Variants in PTPRT observed in about 807,000 individuals in gnomAD.
PTPRT encodes receptor-type tyrosine-protein phosphatase T.
PTPRT carries 56 observed loss-of-function variants against 176.8 expected under a neutral mutation model. The ratio of observed to expected loss-of-function variants is 0.32; its 90% CI spans 0.26 to 0.40. The LOEUF (loss-of-function observed/expected upper bound fraction) is 0.40, where lower values mean the gene tolerates loss of function less well. Among genes scored for constraint, PTPRT ranks in the 10% least tolerant of loss-of-function variants. The probability of loss-of-function intolerance (pLI) is 1.00; values close to 1 mark genes in which losing one functional copy is unlikely to be tolerated. For synonymous variants in PTPRT, 783 were observed against 739.0 expected (o/e 1.06, Z -0.96); for missense variants, 1,540 against 1,908.2 (o/e 0.81, Z 3.60).
At chr20:43,021,331 CT>C (rs1253433234) in intron 1 of PTPRT, among the ~76,000 whole-genome samples, 17 of 152,136 alleles carry the variant, frequency 1.1e-4, no homozygotes, top group African/African-American at 3.9e-4. Context: ...GGAACTGCAA[CT>C]GTAATAGCTG....
chr20:42,824,999 A>T (rs912817456), intron 2 of PTPRT, among the ~76,000 whole-genome samples: 2 of 152,084 alleles, frequency 1.3e-5, no homozygotes, highest in Non-Finnish European at 2.9e-5. Flanking sequence ...ATAAGGAAAA[A>T]CCAGGTCAAT....
chr20:42,225,716 G>T (rs566281507), intron 15 of PTPRT, among the ~76,000 whole-genome samples: 1 of 152,292 alleles, frequency 6.6e-6, no homozygotes, highest in South Asian at 2.1e-4. Flanking sequence ...GCAGCTGCAC[G>T]ATCTTGGCTC....
intron 2 of PTPRT, among the ~76,000 whole-genome samples, chr20:42,879,752 TGTGTGC>T (rs1473009338): frequency 6.9e-5 from 10 of 145,598 alleles, no homozygotes; most frequent in African/African-American, 2.4e-4. Flanking sequence ...TGTGTGTGTG[TGTGTGC>T]GCGTGTGTGT....
chr20:42,692,646 G>C (rs2425531), intron 6 of PTPRT, among the ~76,000 whole-genome samples: 21,895 of 152,066 alleles, frequency 0.14, 2,237 homozygotes, highest in African/African-American at 0.28. Context: ...GGTAGTTTTA[G>C]CCAATGCAAT....
At chr20:42,464,845 C>T (rs1173731325) in intron 8 of PTPRT, among the ~76,000 whole-genome samples, 1 of 152,138 alleles carries the variant, frequency 6.6e-6, no homozygotes, top group Non-Finnish European at 1.5e-5. Context: ...TGTACTCATC[C>T]TTAGCAACAT....
chr20:42,034,871 T>C, the PTPRT span, among the ~76,000 whole-genome samples: 1 of 152,190 alleles, frequency 6.6e-6, no homozygotes, highest in African/African-American at 2.4e-5. Context: ...TGAGGTTCAA[T>C]GTGGGTCTTA....
chr20:43,046,570 G>A (rs1986848394), intron 1 of PTPRT, among the ~76,000 whole-genome samples: 1 of 150,900 alleles, frequency 6.6e-6, no homozygotes, highest in South Asian at 2.1e-4. Context: ...GTTACTGAAA[G>A]CTTCCCCGTG....
chr20:43,132,006 A>C (rs1286027128), intron 1 of PTPRT, among the ~76,000 whole-genome samples: 1 of 152,120 alleles, frequency 6.6e-6, no homozygotes, highest in Non-Finnish European at 1.5e-5. Flanking sequence ...TCAATGAAAA[A>C]TTTACACACA....
chr20:42,238,589 A>T (rs2056290461), intron 14 of PTPRT, among the ~76,000 whole-genome samples: 1 of 152,224 alleles, frequency 6.6e-6, no homozygotes, highest in Non-Finnish European at 1.5e-5. Context: ...GGTCCATTTG[A>T]TGAAGACTTA....
intron 14 of PTPRT, among the ~76,000 whole-genome samples, chr20:42,245,405 A>G (rs2056431072): frequency 6.6e-6 from 1 of 152,208 alleles, no homozygotes; most frequent in South Asian, 2.1e-4. Flanking sequence ...CTTTCAAACT[A>G]TAAGAGAATC....
the PTPRT span, among the ~76,000 whole-genome samples, chr20:42,046,024 G>C: frequency 2.0e-5 from 3 of 152,220 alleles, no homozygotes; most frequent in Non-Finnish European, 4.4e-5. Flanking sequence ...AGGGGTTGGT[G>C]GGGGAGGTTT....
chr20:42,962,325 G>T (rs1982032098), intron 1 of PTPRT, among the ~76,000 whole-genome samples: 1 of 151,948 alleles, frequency 6.6e-6, no homozygotes, highest in South Asian at 2.1e-4. Context: ...TAGCATACTG[G>T]GTAAGCCTGT....
At chr20:42,179,742 T>C (rs1205473249) in intron 16 of PTPRT, among the ~76,000 whole-genome samples, 3 of 152,156 alleles carry the variant, frequency 2.0e-5, no homozygotes, top group African/African-American at 4.8e-5. Context: ...CTTAACAGTA[T>C]TACACTGGGC....
intron 7 of PTPRT, among the ~76,000 whole-genome samples, chr20:42,587,222 A>G (rs1021480870): frequency 2.2e-4 from 34 of 152,180 alleles, no homozygotes; most frequent in African/African-American, 1.2e-4. Context: ...CCATACTGCA[A>G]CTGAGGTCCC....
chr20:42,935,147 A>ATTTTTTTT (rs57178522), intron 1 of PTPRT, among the ~76,000 whole-genome samples: 1 of 42,166 alleles, frequency 2.4e-5, no homozygotes, highest in South Asian at 1.2e-3. Flanking sequence ...TTTTGCCATA[A>ATTTTTTTT]TTTTTTTTTT....
rs374343778 is a variant in PTPRT, at chr20:42,617,590, A to G, written c.1153+60276T>C. On this transcript the variant is annotated intron_variant, in intron 7 of 30. Coordinates refer to ENST00000373187, the MANE Select transcript of PTPRT (RefSeq NM_007050.6). ...GTCCTGGACTCTTTTTGGTTGGTAAACTATTGATTATTGCCACAATTTCAG... is the reference window on the plus strand; with the variant it reads ...GTCCTGGACTCTTTTTGGTTGGTAAGCTATTGATTATTGCCACAATTTCAG... Among the ~76,000 whole-genome samples the G allele has an allele frequency of 5.8e-3, 790 of 136,814 alleles. 132 individuals are homozygous for G. Among genetic ancestry groups the G allele is most frequent in the African/African-American group, 0.025 (766 of 30,780 alleles). The allele number at this position is 136,814 out of a possible 152,430, so 89.8% of individuals were successfully genotyped here.
intron 6 of PTPRT, among the ~76,000 whole-genome samples, chr20:42,735,324 CCT>C (rs1156289667): frequency 6.6e-6 from 1 of 151,996 alleles, no homozygotes; most frequent in Non-Finnish European, 1.5e-5. Flanking sequence ...AGGCTTGACC[CCT>C]GAGCTGTCCT....
intron 1 of PTPRT, among the ~76,000 whole-genome samples, chr20:43,178,624 G>A (rs2015177078): frequency 6.6e-6 from 1 of 152,182 alleles, no homozygotes; most frequent in Non-Finnish European, 1.5e-5. Context: ...TGAGCTCAAA[G>A]CTGCAACAGC....
chr20:42,672,198 C>G (rs192994923), intron 7 of PTPRT, among the ~76,000 whole-genome samples: 153 of 152,326 alleles, frequency 1.0e-3, no homozygotes, highest in African/African-American at 3.2e-3. Flanking sequence ...GAAAGGCAGA[C>G]CCACCCTCAA....
Sources: allele counts gnomAD v4.1 joint callset (sites outside exome capture counted in the v4.1 genomes callset), GRCh38; gene constraint gnomAD v4.1.1; transcripts MANE v1.5; gene names NCBI Gene and HGNC (gene_info 2026-07-23, HGNC 2026-07-21).